ROR1: variants seen among roughly 807,000 people sequenced by gnomAD.
ROR1 encodes the protein inactive tyrosine-protein kinase transmembrane receptor ROR1.
In ROR1, 19 loss-of-function variants were observed where a neutral mutation model predicts 78.8. The observed-to-expected ratio is 0.24, with a 90% confidence interval of 0.17 to 0.35. The LOEUF (loss-of-function observed/expected upper bound fraction) is 0.35. Among genes scored for constraint, ROR1 ranks in the 10% least tolerant of loss-of-function variants. ROR1 has a pLI of 1.00. For synonymous variants in ROR1, 386 were observed against 433.6 expected, an observed-to-expected ratio of 0.89 and a Z score of 1.36; for missense variants, 917 against 1,177.8, an observed-to-expected ratio of 0.78 and a Z score of 3.24.
At chr1:63,910,149 C>G (rs1645559609) in intron 1 of ROR1, among the ~76,000 whole-genome samples, 1 of 152,152 alleles carries the variant, frequency 6.6e-6, no homozygotes, top group Non-Finnish European at 1.5e-5. Flanking sequence ...TTTGCACTCT[C>G]CAACAGTGCT....
chr1:64,099,955 T>G (rs943323187), intron 4 of ROR1, among the ~76,000 whole-genome samples: 1 of 152,098 alleles, frequency 6.6e-6, no homozygotes, highest in South Asian at 2.1e-4. Flanking sequence ...CTCAGGAGGC[T>G]GAGGCAGGAG....
At position 64,142,342 on chromosome 1, in the gene ROR1, G is replaced by A. The variant is rs1649342711; in HGVS notation, c.929-63G>A. 2.5e-6 allele frequency: 4 copies of A among 1,594,552 alleles called. No homozygotes were observed. The South Asian group carries it at 3.4e-5, about 13-fold the overall frequency. ...CCTCCCCTCCAGAAACTGCTGGCTA[G>A]AGGAGAGCTCCAGCATCTCCTATGT... On this transcript the variant is annotated intron_variant, in intron 6 of 8. Coordinates refer to ENST00000371079, the MANE Select transcript of ROR1 (RefSeq NM_005012.4).
chr1:64,013,171 C>A (rs1646491355), intron 2 of ROR1, among the ~76,000 whole-genome samples: 3 of 152,124 alleles, frequency 2.0e-5, no homozygotes, highest in African/African-American at 7.2e-5. Context: ...GAAGTGATAG[C>A]TGTTTTGGGT....
chr1:64,126,781 C>T (rs1305305481), intron 4 of ROR1, among the ~76,000 whole-genome samples: 1 of 152,156 alleles, frequency 6.6e-6, no homozygotes, highest in Non-Finnish European at 1.5e-5. Flanking sequence ...TTGAAATGTA[C>T]TTGGCTGGCA....
chr1:63,953,914 G>A (rs1390820244), intron 1 of ROR1, among the ~76,000 whole-genome samples: 1 of 152,184 alleles, frequency 6.6e-6, no homozygotes, highest in Non-Finnish European at 1.5e-5. Context: ...GGAAAATTGG[G>A]AAGAAAGTAG....
intron 1 of ROR1, among the ~76,000 whole-genome samples, chr1:63,897,509 T>A (rs892450266): frequency 7.2e-5 from 11 of 152,176 alleles, no homozygotes; most frequent in African/African-American, 2.7e-4. Context: ...GTGTTTACTG[T>A]TTTCCACATA....
rs1480166068 is a variant in ROR1 at position 64,140,439 on chromosome 1, C to G, written c.928+13C>G. 1.9e-6 allele frequency: 3 copies of G among 1,609,816 alleles called. No homozygotes were observed. The Admixed American group carries it at 5.0e-5, about 27-fold the overall frequency. ...CCTATAAATAAAAGTAAGTGGTAGC[C>G]CCTGACCTTCTGTGCTCTTCTAAGG... On this transcript the variant is annotated intron_variant, in intron 6 of 8. Coordinates refer to ENST00000371079, the MANE Select transcript of ROR1 (RefSeq NM_005012.4).
chr1:63,900,960 G>A (rs1569881660), intron 1 of ROR1, among the ~76,000 whole-genome samples: 1 of 152,222 alleles, frequency 6.6e-6, no homozygotes, highest in East Asian at 1.9e-4. Context: ...TCCTCATAAT[G>A]AGCTTCTGAG....
chr1:63,938,099 G>A (rs855945), intron 1 of ROR1, among the ~76,000 whole-genome samples: 100,528 of 151,950 alleles, frequency 0.66, 37,662 homozygotes, highest in East Asian at 0.94. Context: ...TCCCATATCC[G>A]TGGGTTCTGG....
In ROR1 at chr1:64,058,526, GT is replaced by G. The variant is rs1328294037; in HGVS notation, c.482+7816del. On this transcript the variant is annotated intron_variant, in intron 4 of 8. Coordinates refer to ENST00000371079, the MANE Select transcript of ROR1 (RefSeq NM_005012.4). ...CCCTATTATTCCTATTTTCTTCTAT[GT>G]TTTTTACTATGAAAAGCTATTGGAT... Among the ~76,000 whole-genome samples the G allele has an allele frequency of 7.4e-5, 11 of 149,162 alleles. 1 individual carries two copies. The highest frequency in any genetic ancestry group is 2.7e-4 in the Admixed American group (4 of 15,022).
chr1:64,151,433 A>G (rs1367365608), intron 7 of ROR1, among the ~76,000 whole-genome samples: 1 of 152,228 alleles, frequency 6.6e-6, no homozygotes, highest in Non-Finnish European at 1.5e-5. Context: ...AAAGGTATCC[A>G]TTGACACTAT....
intron 4 of ROR1, among the ~76,000 whole-genome samples, chr1:64,075,451 G>GT (rs1441866835): frequency 2.0e-5 from 3 of 152,108 alleles, no homozygotes; most frequent in Non-Finnish European, 4.4e-5. Context: ...CTTCATAGGG[G>GT]TTTTTTGTTT....
At chr1:64,046,353 G>A (rs549500703) in intron 2 of ROR1, among the ~76,000 whole-genome samples, 25 of 152,220 alleles carry the variant, frequency 1.6e-4, no homozygotes, top group African/African-American at 3.6e-4. Flanking sequence ...CTTCTTCTTC[G>A]TCAGTGAAAA....
At chr1:63,817,670 C>A (rs577144981) in intron 1 of ROR1, among the ~76,000 whole-genome samples, 1 of 152,110 alleles carries the variant, frequency 6.6e-6, no homozygotes, top group Non-Finnish European at 1.5e-5. Flanking sequence ...GGAAGCACAA[C>A]GAGCTTTCTA....
intron 7 of ROR1, chr1:64,143,093 G>C: frequency 9.8e-7 from 1 of 1,017,548 alleles, no homozygotes; most frequent in Non-Finnish European, 1.2e-6. Context: ...CGGTCATCCA[G>C]GACAATCTGT....
At chr1:63,891,437 C>T (rs778520848) in intron 1 of ROR1, among the ~76,000 whole-genome samples, 18 of 152,094 alleles carry the variant, frequency 1.2e-4, no homozygotes, top group Non-Finnish European at 2.1e-4. Context: ...GGAAATGCAC[C>T]TCATGGGAAG....
At chr1:64,141,974 A>G (rs931678020) in intron 6 of ROR1, among the ~76,000 whole-genome samples, 7 of 152,128 alleles carry the variant, frequency 4.6e-5, no homozygotes, top group African/African-American at 1.7e-4. Flanking sequence ...TCTGATAAGC[A>G]TGTTCTGTGA....
At position 64,177,802 on chromosome 1, in the gene ROR1, G is replaced by A. The variant is rs769224801; in HGVS notation, c.1761G>A (p.Leu587=). 2 of 1,614,130 alleles carry A rather than the reference G, an allele frequency of 1.2e-6. No individual in the cohort carries two copies. The highest frequency in any genetic ancestry group is 2.2e-5 in the South Asian group (2 of 91,080). The change falls in exon 9 of 9, where the codon CTG becomes CTA. Residue 587 remains leucine, a synonymous_variant. Transcript: ENST00000371079. ...SDEDGTVKSS[L]DHGDFLHIAI... Reference sequence around the variant, plus strand: ...AAGATGGGACTGTGAAATCCAGCCTGGACCACGGAGATTTTCTGCACATTG... The same window carrying A: ...AAGATGGGACTGTGAAATCCAGCCTAGACCACGGAGATTTTCTGCACATTG...
intron 1 of ROR1, among the ~76,000 whole-genome samples, chr1:63,817,364 C>G (rs1043705273): frequency 7.9e-5 from 12 of 152,198 alleles, no homozygotes; most frequent in African/African-American, 2.9e-4. Flanking sequence ...TGAGCTTTAA[C>G]TTAAAATTTT....
Sources: gnomAD v4.1 joint callset for allele counts (sites outside exome capture counted in the v4.1 genomes callset) on GRCh38, gnomAD v4.1.1 for gene constraint, MANE v1.5 for transcripts, NCBI Gene and HGNC (gene_info 2026-07-23, HGNC 2026-07-21) for gene names.